CCDC7: variants seen among roughly 807,000 people sequenced by gnomAD.
CCDC7 encodes coiled-coil domain containing 7.
In CCDC7, 183 loss-of-function variants were observed where a neutral mutation model predicts 196.9. That is an observed-to-expected ratio of 0.93 (90% confidence interval 0.82 to 1.05). The LOEUF is 1.05. Ranked by LOEUF, CCDC7 falls within the 50% of genes least tolerant of loss-of-function variation. The probability of loss-of-function intolerance (pLI) is 0.00; values close to 1 mark genes in which losing one functional copy is unlikely to be tolerated. For synonymous variants in CCDC7, 525 were observed against 484.6 expected, an observed-to-expected ratio of 1.08 and a Z score of -1.10; for missense variants, 1,540 against 1,482.2, an observed-to-expected ratio of 1.04 and a Z score of -0.64.
At chr10:32,857,664 C>T (rs2093804718) in intron 41 of CCDC7, among the ~76,000 whole-genome samples, 1 of 151,630 alleles carries the variant, frequency 6.6e-6, no homozygotes, top group Non-Finnish European at 1.5e-5. Context: ...CAATAAATGA[C>T]CACATTATAA....
chr10:32,450,215 C>A (rs1019734735), upstream of CCDC7, among the ~76,000 whole-genome samples: 1 of 152,186 alleles, frequency 6.6e-6, no homozygotes, highest in African/African-American at 2.4e-5. Context: ...TTACAAGCTT[C>A]TGGTGGATGC....
At chr10:32,743,835 G>T (rs572434926) in intron 28 of CCDC7, among the ~76,000 whole-genome samples, 1 of 152,156 alleles carries the variant, frequency 6.6e-6, no homozygotes, top group Admixed American at 6.5e-5. Flanking sequence ...CATGTCCTTT[G>T]TAGGGACATG....
At chr10:32,671,909 A>G (rs112773234) in intron 21 of CCDC7, among the ~76,000 whole-genome samples, 50 of 152,318 alleles carry the variant, frequency 3.3e-4, no homozygotes, top group African/African-American at 1.1e-3. Flanking sequence ...CAATTGTGGC[A>G]AAGGTTATTG....
chr10:32,794,945 C>T (rs2083315775), intron 29 of CCDC7, among the ~76,000 whole-genome samples: 1 of 152,130 alleles, frequency 6.6e-6, no homozygotes, highest in Non-Finnish European at 1.5e-5. Flanking sequence ...TCCTTAGGAG[C>T]TGTTCAGGGT....
chr10:32,721,693 C>G (rs907221595), intron 25 of CCDC7, among the ~76,000 whole-genome samples: 2 of 151,984 alleles, frequency 1.3e-5, no homozygotes, highest in African/African-American at 2.4e-5. Flanking sequence ...TAGATCATAC[C>G]CTGGAATTCA....
intron 18 of CCDC7, among the ~76,000 whole-genome samples, chr10:32,630,384 CCTTA>C (rs899575671): frequency 3.3e-5 from 5 of 151,654 alleles, no homozygotes; most frequent in African/African-American, 1.2e-4. Context: ...GAAACAAGCC[CCTTA>C]CTTCTTGGGA....
chr10:32,830,514 T>C (rs2092055214), intron 32 of CCDC7, among the ~76,000 whole-genome samples: 1 of 152,056 alleles, frequency 6.6e-6, no homozygotes. Context: ...TTTAAAAGAA[T>C]TCGTAAAATC....
At chr10:32,748,194 G>A (rs1481758211) in intron 28 of CCDC7, among the ~76,000 whole-genome samples, 2 of 152,120 alleles carry the variant, frequency 1.3e-5, no homozygotes, top group Non-Finnish European at 2.9e-5. Context: ...GGGAACAATA[G>A]ACACTGGGGC....
At chr10:32,670,319 GT>G (rs984658910) in intron 21 of CCDC7, among the ~76,000 whole-genome samples, 1 of 151,666 alleles carries the variant, frequency 6.6e-6, no homozygotes, top group Non-Finnish European at 1.5e-5. Context: ...TGATTTCGTT[GT>G]TTTTTATAGA....
intron 21 of CCDC7, among the ~76,000 whole-genome samples, chr10:32,669,447 G>A (rs1207265268): frequency 6.6e-6 from 1 of 152,038 alleles, no homozygotes; most frequent in Non-Finnish European, 1.5e-5. Context: ...TGAAACATTT[G>A]AGGGGCATTA....
Position 32,473,951 on chromosome 10 carries a change from T to C in CCDC7, c.740-16T>C, listed in dbSNP as rs753630132. ...GCCGTTTGAAGTTTATAGTGACAAA[T>C]ACACTTTTACTTCAGAATTCTTAGA... On this transcript the variant is annotated splice_polypyrimidine_tract_variant and intron_variant, in intron 7 of 41. Coordinates refer to ENST00000639629, the Ensembl canonical transcript of CCDC7. 109 of 1,600,198 alleles carry C rather than the reference T, an allele frequency of 6.8e-5. No individual in the cohort carries two copies. Among genetic ancestry groups the C allele is most frequent in the Non-Finnish European group, 9.1e-5 (107 of 1,174,744 alleles).
intron 29 of CCDC7, among the ~76,000 whole-genome samples, chr10:32,793,780 T>A (rs114353901): frequency 2.2e-4 from 34 of 152,360 alleles, no homozygotes; most frequent in African/African-American, 7.9e-4. Context: ...AAAAAATGCT[T>A]GGTAGAATTT....
At chr10:32,804,511 C>A (rs951479157) in intron 29 of CCDC7, among the ~76,000 whole-genome samples, 3 of 152,118 alleles carry the variant, frequency 2.0e-5, no homozygotes, top group African/African-American at 2.4e-5. Context: ...TAAAATATTT[C>A]TGGATGAGTC....
At chr10:32,702,719 A>G (rs2078969323) in intron 24 of CCDC7, among the ~76,000 whole-genome samples, 1 of 152,162 alleles carries the variant, frequency 6.6e-6, no homozygotes, top group African/African-American at 2.4e-5. Context: ...TTGGGTGCAT[A>G]CATATTTAGG....
At chr10:32,742,392 G>A (rs77077086) in intron 28 of CCDC7, among the ~76,000 whole-genome samples, 3,744 of 152,200 alleles carry the variant, frequency 0.025, 59 homozygotes, top group Non-Finnish European at 0.04. Flanking sequence ...GTTGGTGTTC[G>A]TATTCTGGGT....
At chr10:32,715,718 G>T (rs752214272) in intron 25 of CCDC7, among the ~76,000 whole-genome samples, 3 of 152,110 alleles carry the variant, frequency 2.0e-5, no homozygotes, top group Non-Finnish European at 4.4e-5. Context: ...TGACCCGATG[G>T]AGCTGAAAAA....
At chr10:32,448,207 T>C (rs1378664682), upstream of CCDC7, among the ~76,000 whole-genome samples, 2 of 152,174 alleles carry the variant, frequency 1.3e-5, no homozygotes, top group African/African-American at 4.8e-5. Flanking sequence ...TTCGTTCTAT[T>C]GTTCACAACC....
chr10:32,520,107 C>T (rs946820852), intron 11 of CCDC7, among the ~76,000 whole-genome samples: 6 of 152,028 alleles, frequency 3.9e-5, no homozygotes, highest in African/African-American at 9.6e-5. Flanking sequence ...TTTTCTTTTT[C>T]CAGTCATACG....
In CCDC7 at chr10:32,714,398, G is replaced by A. The variant is rs545651249; in HGVS notation, c.2569+2668G>A. On this transcript the variant is annotated intron_variant, in intron 25 of 41. Coordinates refer to ENST00000639629, the Ensembl canonical transcript of CCDC7. The stretch of plus-strand genomic sequence containing the variant: ...ATACTATGCTTTTCCCACAGTCTTC[G>A]CATCACGCAGACCAGGAGATTCCTT... 3.3e-5 allele frequency among the ~76,000 whole-genome samples: 5 copies of A among 152,266 alleles called. No individual in the cohort carries two copies. The East Asian group carries it at 5.8e-4, about 18-fold the overall frequency.
Sources: gnomAD v4.1 joint callset for allele counts (sites outside exome capture counted in the v4.1 genomes callset) on GRCh38, gnomAD v4.1.1 for gene constraint, MANE v1.5 for transcripts, NCBI Gene and HGNC (gene_info 2026-07-23, HGNC 2026-07-21) for gene names.